The following PAN3 variants were observed in gnomAD, a reference collection of about 807,000 sequenced individuals.
PAN3 encodes poly(A) specific ribonuclease subunit PAN3.
PAN3 carries 19 observed loss-of-function variants against 96.2 expected under a neutral mutation model. The observed-to-expected ratio is 0.20, with a 90% CI of 0.14 to 0.29. PAN3 has a LOEUF of 0.29. Ranked by LOEUF, PAN3 falls within the 10% of genes least tolerant of loss-of-function variation. The pLI is 1.00. For synonymous variants in PAN3, 433 were observed against 406.6 expected (o/e 1.06, Z -0.78); for missense variants, 882 against 1,108.1 (o/e 0.80, Z 2.90).
intron 4 of PAN3, 24 bp from the exon 5 acceptor site, chr13:28,197,161 G>A (rs1384857273): frequency 5.0e-6 from 8 of 1,607,458 alleles, no homozygotes; most frequent in Non-Finnish European, 6.8e-6. Flanking sequence ...GGAGTGGCCT[G>A]GTTTCTTTCC....
At chr13:28,277,962 G>A (rs1243122596) in intron 15 of PAN3, among the ~76,000 whole-genome samples, 2 of 152,200 alleles carry the variant, frequency 1.3e-5, no homozygotes, top group African/African-American at 4.8e-5. Context: ...AGATGAATTT[G>A]GCTTAAGAGA....
intron 6 of PAN3, among the ~76,000 whole-genome samples, chr13:28,251,295 C>T (rs911705160): frequency 1.3e-5 from 2 of 152,158 alleles, no homozygotes; most frequent in African/African-American, 4.8e-5. Context: ...TCTTGTGTTG[C>T]TAATTCTCAA....
chr13:28,240,600 C>T (rs1375404100), intron 6 of PAN3, among the ~76,000 whole-genome samples: 1 of 152,082 alleles, frequency 6.6e-6, no homozygotes. Flanking sequence ...AATAGTCATC[C>T]ATCATGGCAG....
chr13:28,291,658 C>T (rs545890925), intron 18 of PAN3, among the ~76,000 whole-genome samples: 6 of 152,152 alleles, frequency 3.9e-5, no homozygotes, highest in South Asian at 2.1e-4. Context: ...GGCGAAACCC[C>T]GTCTCTACTT....
chr13:28,282,591 G>GCA (rs1216051674), intron 17 of PAN3, among the ~76,000 whole-genome samples: 1 of 152,040 alleles, frequency 6.6e-6, no homozygotes, highest in African/African-American at 2.4e-5. Flanking sequence ...CTACACACGT[G>GCA]CACGCACGTG....
At chr13:28,215,024 C>A in intron 5 of PAN3, 1 of 1,199,306 alleles carries the variant, frequency 8.3e-7, no homozygotes, top group Non-Finnish European at 1.2e-6. Context: ...ATGAGGAAAT[C>A]ATTAAGGAAG....
intron 6 of PAN3, among the ~76,000 whole-genome samples, chr13:28,242,250 T>C (rs1883737781): frequency 6.6e-6 from 1 of 152,222 alleles, no homozygotes; most frequent in African/African-American, 2.4e-5. Flanking sequence ...ATTTTTGTTA[T>C]ACTTAGTACT....
chr13:28,199,057 T>C (rs1878399931), intron 5 of PAN3, among the ~76,000 whole-genome samples: 1 of 152,238 alleles, frequency 6.6e-6, no homozygotes, highest in Admixed American at 6.5e-5. Context: ...ATGTCAATTA[T>C]GAATAACAGT....
intron 1 of PAN3, among the ~76,000 whole-genome samples, chr13:28,152,131 A>G (rs534093638): frequency 6.6e-6 from 1 of 152,296 alleles, no homozygotes; most frequent in East Asian, 1.9e-4. Context: ...TGCCATATAT[A>G]TATTTGCATA....
At chr13:28,211,141 T>C (rs1879981107) in intron 5 of PAN3, among the ~76,000 whole-genome samples, 1 of 152,100 alleles carries the variant, frequency 6.6e-6, no homozygotes, top group Non-Finnish European at 1.5e-5. Flanking sequence ...CCTTGAGCAG[T>C]CCTCCCACCT....
chr13:28,258,724 A>C lies in PAN3; in HGVS notation c.1249-1723A>C, dbSNP rs138249890. Among the ~76,000 whole-genome samples, 557 of 152,280 alleles carry C rather than the reference A, an allele frequency of 3.7e-3. 2 individuals carry two copies. Among genetic ancestry groups the C allele is most frequent in the African/African-American group, 0.013 (531 of 41,544 alleles). On this transcript the variant is annotated intron_variant, in intron 7 of 18. Coordinates refer to ENST00000380958, the MANE Select transcript of PAN3 (RefSeq NM_175854.8). The stretch of plus-strand genomic sequence containing the variant: ...AAAAGTGGCGATGAACTGCTTGTAT[A>C]GTTGCCATTTAGTATCCAAGGGGGA...
At position 28,280,444 on chromosome 13, in the gene PAN3, G is replaced by C; in HGVS notation, c.2222G>C (p.Ser741Thr). 1 of 1,612,232 alleles carries C rather than the reference G, an allele frequency of 6.2e-7. No homozygotes were observed. Among genetic ancestry groups the C allele is most frequent in the Non-Finnish European group, 8.5e-7 (1 of 1,178,780 alleles). ...YLLTDQNRMR[S>T]VNDIMPMIGA... ...TTGACTGACCAAAACAGGATGCGAA[G>C]TGTAAATGACATCATGCCCATGATT... The change falls in exon 16 of 19, where the codon AGT becomes ACT. Residue 741 changes from serine to threonine, a missense_variant. By Grantham distance (58) the Ser-to-Thr change is moderately conservative. This residue lies in a region of PAN3 where 364 missense variants were observed against 513.6 expected (regional missense o/e 0.71). Transcript: ENST00000380958.
intron 5 of PAN3, among the ~76,000 whole-genome samples, chr13:28,210,246 C>T (rs1452209899): frequency 1.3e-5 from 2 of 152,122 alleles, no homozygotes; most frequent in Non-Finnish European, 2.9e-5. Flanking sequence ...CTGTTATGTA[C>T]AGAGAATTGC....
rs1201082662 is a variant in PAN3 at position 28,292,600 on chromosome 13, C to T, written c.*78C>T. On this transcript the variant is annotated 3_prime_UTR_variant, in exon 19 of 19. Transcript: ENST00000380958. ...ATTGCACTACAGCTGAACTTTTCATCATCTCATTCACATTTGGGAAACGAA... is the reference window on the plus strand; with the variant it reads ...ATTGCACTACAGCTGAACTTTTCATTATCTCATTCACATTTGGGAAACGAA... 1.4e-6 allele frequency: 2 copies of T among 1,382,424 alleles called. No homozygotes were observed. Among genetic ancestry groups the T allele is most frequent in the African/African-American group, 2.9e-5 (2 of 68,670 alleles). 85.6% of individuals were successfully genotyped at this position (1,382,424 alleles called of 1,614,324 possible).
intron 17 of PAN3, among the ~76,000 whole-genome samples, chr13:28,285,688 A>G (rs1236974999): frequency 1.3e-5 from 2 of 151,924 alleles, no homozygotes; most frequent in South Asian, 2.1e-4. Flanking sequence ...TTCTATCTCT[A>G]ATTTTTTTTG....
At chr13:28,284,381 ATT>A (rs71086842) in intron 17 of PAN3, among the ~76,000 whole-genome samples, 27 of 132,502 alleles carry the variant, frequency 2.0e-4, no homozygotes, top group Admixed American at 3.0e-4. Context: ...TCTTTTTGTG[ATT>A]TTTTTTTTTT....
At chr13:28,283,552 A>T (rs71433263) in intron 17 of PAN3, among the ~76,000 whole-genome samples, 28,062 of 151,980 alleles carry the variant, frequency 0.18, 3,788 homozygotes, top group African/African-American at 0.37. Context: ...ATATATTCTT[A>T]TCCCCTCCCC....
At chr13:28,266,567 A>G in intron 9 of PAN3, 148 bp from the exon 10 acceptor site, 1 of 517,456 alleles carries the variant, frequency 1.9e-6, no homozygotes, top group Non-Finnish European at 3.1e-6. Flanking sequence ...TGTCTTATGG[A>G]ATTGTAATAA....
Position 28,288,038 on chromosome 13 carries a change from C to G in PAN3, c.2439C>G (p.Leu813=). Residue 813 remains leucine (L), a synonymous_variant, in exon 18 of 19, where the codon CTC becomes CTG. Coordinates refer to ENST00000380958, the MANE Select transcript of PAN3 (RefSeq NM_175854.8). ...SETGDRYLLK[L]FRDHLFHQVT... ...CTGGAGACCGTTATCTGTTGAAACT[C>G]TTTAGGGATCATCTTTTTCATCAGG... 1 of 1,613,694 alleles carries G rather than the reference C, an allele frequency of 6.2e-7. No individual in the cohort carries two copies.
Sources: allele counts gnomAD v4.1 joint callset (sites outside exome capture counted in the v4.1 genomes callset), GRCh38; gene constraint gnomAD v4.1.1; regional missense constraint gnomAD v4.1.1; transcripts MANE v1.5; gene names NCBI Gene and HGNC (gene_info 2026-07-23, HGNC 2026-07-21).